METTL21A: variants seen among roughly 807,000 people sequenced by gnomAD.
The protein encoded by METTL21A is methyltransferase 21A, HSPA lysine.
METTL21A carries 22 observed loss-of-function variants against 20.9 expected under a neutral mutation model. That is an observed-to-expected ratio of 1.05 (90% CI 0.75 to 1.50). METTL21A has a LOEUF of 1.50. Among genes scored for constraint, METTL21A ranks in the 40% most tolerant of loss-of-function variants. METTL21A has a pLI of 0.00. For synonymous variants in METTL21A, 93 were observed against 102.0 expected, an observed-to-expected ratio of 0.91 and a Z score of 0.53; for missense variants, 271 against 266.8, an observed-to-expected ratio of 1.02 and a Z score of -0.11.
intron 3 of METTL21A, among the ~76,000 whole-genome samples, chr2:207,586,943 T>G (rs1180872475): frequency 6.6e-6 from 1 of 152,178 alleles, no homozygotes; most frequent in East Asian, 1.9e-4. Context: ...GGAAGTATCA[T>G]TAGTTAGAAT....
intron 3 of METTL21A, chr2:207,600,338 A>G (rs954355425): frequency 5.5e-6 from 1 of 182,514 alleles, no homozygotes; most frequent in African/African-American, 2.4e-5. Flanking sequence ...TTGAGGTCAG[A>G]TGAAATTTTA....
intron 3 of METTL21A, chr2:207,620,812 G>C: frequency 1.1e-6 from 1 of 903,352 alleles, no homozygotes; most frequent in Non-Finnish European, 1.6e-6. Context: ...AAGAAATAGT[G>C]AAAAAGTATT....
At chr2:207,586,807 A>G (rs1435416315) in intron 3 of METTL21A, among the ~76,000 whole-genome samples, 9 of 152,272 alleles carry the variant, frequency 5.9e-5, no homozygotes, top group Non-Finnish European at 1.3e-4. Flanking sequence ...GAAAAGCTCA[A>G]CATTACTAAT....
intron 3 of METTL21A, chr2:207,599,073 T>C (rs1304905532): frequency 5.3e-6 from 1 of 189,852 alleles, no homozygotes; most frequent in East Asian, 8.5e-5. Context: ...CATTGTCTTT[T>C]TTCAAGGATG....
rs143692765 is a variant in METTL21A, at chr2:207,592,259, G to A, written c.260-10099C>T. On this transcript the variant is annotated intron_variant, in intron 3 of 3. Coordinates refer to the METTL21A transcript ENST00000425132. ...TCTCTCTACTAAAAATACAAAAAAT[G>A]AGCTGGGCGTGGTGGCACACGCCTG... 3.5e-3 allele frequency among the ~76,000 whole-genome samples: 534 copies of A among 151,472 alleles called. 3 individuals are homozygous for A. The highest frequency in any genetic ancestry group is 0.012 in the African/African-American group (478 of 41,296).
At chr2:207,593,193 C>T (rs1008001320) in intron 3 of METTL21A, among the ~76,000 whole-genome samples, 3 of 152,156 alleles carry the variant, frequency 2.0e-5, no homozygotes, top group African/African-American at 7.2e-5. Context: ...TGTTATCCAC[C>T]ATTCCTATTA....
At chr2:207,584,370 A>G (rs537871830) in intron 3 of METTL21A, among the ~76,000 whole-genome samples, 51 of 151,526 alleles carry the variant, frequency 3.4e-4, no homozygotes, top group Non-Finnish European at 5.3e-4. Flanking sequence ...GGTATAATGG[A>G]TATCTTATGG....
chr2:207,597,133 AT>A (rs1559084469), intron 3 of METTL21A: 2 of 1,430,770 alleles, frequency 1.4e-6, no homozygotes, highest in Non-Finnish European at 1.9e-6. Context: ...CAAAATAAAC[AT>A]TTTATTTTCT....
chr2:207,594,989 ATCT>A (rs1288901999), intron 3 of METTL21A, among the ~76,000 whole-genome samples: 22 of 136,830 alleles, frequency 1.6e-4, no homozygotes, highest in Non-Finnish European at 2.4e-4. Flanking sequence ...GATGTTGAGC[ATCT>A]TTTTTTTTTT....
chr2:207,621,889 A>G, exon 3 of METTL21A: 1 of 1,614,164 alleles, frequency 6.2e-7, no homozygotes, highest in South Asian at 1.1e-5. Flanking sequence ...CACAGCTCCC[A>G]TCTCCAGGTA....
downstream of METTL21A, among the ~76,000 whole-genome samples, chr2:207,604,378 C>T (rs1052819245): frequency 3.9e-5 from 6 of 152,194 alleles, no homozygotes; most frequent in African/African-American, 1.4e-4. Context: ...GTTTTTCCAT[C>T]TCGTAAGTGG....
At chr2:207,596,838 AG>A (rs1263350407) in intron 3 of METTL21A, 3 of 1,535,738 alleles carry the variant, frequency 2.0e-6, no homozygotes, top group African/African-American at 2.8e-5. Flanking sequence ...TCTTTAAAAA[AG>A]AAAAAAAAAA....
chr2:207,588,082 A>G (rs1449253649), intron 3 of METTL21A, among the ~76,000 whole-genome samples: 2 of 152,132 alleles, frequency 1.3e-5, no homozygotes, highest in Middle Eastern at 3.2e-3. Context: ...ATTTTATGTC[A>G]ACTAAAAATA....
intron 3 of METTL21A, among the ~76,000 whole-genome samples, chr2:207,589,082 G>T (rs2084469522): frequency 6.6e-6 from 1 of 152,058 alleles, no homozygotes; most frequent in Admixed American, 6.6e-5. Context: ...ATCTTAGGGG[G>T]TGTATTAGTT....
chr2:207,592,883 A>T (rs1182941935), intron 3 of METTL21A, among the ~76,000 whole-genome samples: 2 of 88,330 alleles, frequency 2.3e-5, no homozygotes, highest in African/African-American at 8.8e-5. Context: ...ACTGCACTCC[A>T]GCCTGGCGAC....
intron 3 of METTL21A, among the ~76,000 whole-genome samples, chr2:207,595,872 C>G (rs999448041): frequency 3.9e-5 from 6 of 152,254 alleles, no homozygotes; most frequent in African/African-American, 1.4e-4. Context: ...CTTGCCTATT[C>G]TAGATCTTAA....
downstream of METTL21A, among the ~76,000 whole-genome samples, chr2:207,605,660 G>A (rs181195164): frequency 1.3e-5 from 2 of 152,134 alleles, no homozygotes; most frequent in Admixed American, 6.5e-5. Context: ...TACACAAAAG[G>A]TAGGTACAAA....
At chr2:207,587,727 G>A (rs967009527) in intron 3 of METTL21A, among the ~76,000 whole-genome samples, 4 of 152,138 alleles carry the variant, frequency 2.6e-5, no homozygotes, top group Admixed American at 6.5e-5. Flanking sequence ...TCACTCATGT[G>A]GGAGCTAAAA....
At chr2:207,604,786 G>T (rs1471519340), downstream of METTL21A, among the ~76,000 whole-genome samples, 1 of 152,072 alleles carries the variant, frequency 6.6e-6, no homozygotes, top group African/African-American at 2.4e-5. Flanking sequence ...TCTGCTTCCT[G>T]TTTCTTTGGA....
Sources: gnomAD v4.1 joint callset for allele counts (sites outside exome capture counted in the v4.1 genomes callset) on GRCh38, gnomAD v4.1.1 for gene constraint, MANE v1.5 for transcripts, NCBI Gene and HGNC (gene_info 2026-07-23, HGNC 2026-07-21) for gene names.